Variants in ZNF682 observed in about 807,000 individuals in gnomAD.
ZNF682 encodes the protein zinc finger protein 682.
Under a neutral mutation model 36.5 loss-of-function variants are expected in ZNF682, and 29 were observed. That is an observed-to-expected ratio of 0.80 (90% CI 0.59 to 1.08). ZNF682 has a LOEUF of 1.08. ZNF682 is among the 50% of genes least tolerant of loss of function. The pLI, the probability that ZNF682 is intolerant of heterozygous loss-of-function variation, is 0.00. For missense variants in ZNF682, 561 were observed against 579.7 expected (o/e 0.97, Z 0.33); for synonymous variants, 180 against 197.0 (o/e 0.91, Z 0.72).
chr19:20,039,295 T>C lies in ZNF682; in HGVS notation c.3+48A>G, dbSNP rs775035164. 7 of 1,607,882 alleles carry C rather than the reference T, an allele frequency of 4.4e-6. 1 individual carries two copies. In the South Asian group the frequency reaches 6.6e-5, roughly 15 times the overall value. ...CCGTCACTGCCGGTTCCGGCCGGTT[T>C]CAACCAGCCCTGCCCCCACCTCGGG... On this transcript the variant is annotated intron_variant, in intron 1 of 3. Transcript: ENST00000397165.
chr19:20,021,047 C>T (rs1654526581), intron 3 of ZNF682, among the ~76,000 whole-genome samples: 3 of 83,420 alleles, frequency 3.6e-5, no homozygotes. Context: ...CTTTTGGCTT[C>T]CCTGGGCCAC....
intron 3 of ZNF682, among the ~76,000 whole-genome samples, chr19:19,999,258 A>C (rs2088148042): frequency 6.6e-6 from 1 of 152,230 alleles, no homozygotes; most frequent in African/African-American, 2.4e-5. Context: ...AACTGCGACA[A>C]AAATGATACC....
chr19:20,016,400 T>C (rs530410732), intron 3 of ZNF682, among the ~76,000 whole-genome samples: 1 of 152,268 alleles, frequency 6.6e-6, no homozygotes, highest in South Asian at 2.1e-4. Context: ...AATAATCATT[T>C]TAAACATGTT....
intron 2 of ZNF682, 61 bp from the exon 3 acceptor site, chr19:20,023,160 G>C: frequency 7.0e-7 from 1 of 1,422,676 alleles, no homozygotes. Context: ...CCAACCTAGT[G>C]TTGTGCTCTG....
intron 3 of ZNF682, chr19:20,007,588 T>C (rs2088239841): frequency 1.1e-5 from 3 of 267,846 alleles, no homozygotes; most frequent in Non-Finnish European, 2.1e-5. Flanking sequence ...AAGGGATATG[T>C]GAAGAAACCC....
At chr19:20,002,637 C>G (rs2088176025), downstream of ZNF682, among the ~76,000 whole-genome samples, 1 of 152,122 alleles carries the variant, frequency 6.6e-6, no homozygotes, top group Non-Finnish European at 1.5e-5. Flanking sequence ...TGGTGATGTC[C>G]TCACGGCAAT....
At chr19:20,033,102 C>T (rs1180235057) in intron 1 of ZNF682, among the ~76,000 whole-genome samples, 1 of 152,054 alleles carries the variant, frequency 6.6e-6, no homozygotes, top group Non-Finnish European at 1.5e-5. Context: ...CCCGCCTTTA[C>T]TAAAAATACA....
At chr19:19,996,839 C>A (rs2088131198), downstream of ZNF682, among the ~76,000 whole-genome samples, 1 of 152,032 alleles carries the variant, frequency 6.6e-6, no homozygotes, top group Admixed American at 6.6e-5. Context: ...AAAAGAAAAA[C>A]CATCCCAATT....
chr19:20,019,512 G>T (rs1016713142), intron 3 of ZNF682, among the ~76,000 whole-genome samples: 1 of 151,902 alleles, frequency 6.6e-6, no homozygotes, highest in Non-Finnish European at 1.5e-5. Flanking sequence ...GCACAGCAAA[G>T]AAAATAATAG....
downstream of ZNF682, among the ~76,000 whole-genome samples, chr19:19,995,959 G>T (rs778106004): frequency 6.6e-6 from 1 of 152,158 alleles, no homozygotes; most frequent in Non-Finnish European, 1.5e-5. Context: ...CTCCCTCATT[G>T]TCATGGGGTT....
intron 3 of ZNF682, among the ~76,000 whole-genome samples, chr19:20,019,655 T>C (rs2088366984): frequency 6.6e-6 from 1 of 151,910 alleles, no homozygotes; most frequent in African/African-American, 2.4e-5. Context: ...AGAACAAAAC[T>C]GAAAAACAGA....
chr19:20,014,750 A>G (rs904792795), intron 3 of ZNF682, among the ~76,000 whole-genome samples: 6 of 151,118 alleles, frequency 4.0e-5, no homozygotes, highest in Non-Finnish European at 5.9e-5. Flanking sequence ...ACTGCATTCC[A>G]GCCTGGCAAC....
intron 3 of ZNF682, among the ~76,000 whole-genome samples, chr19:20,009,752 G>A (rs546075369): frequency 6.6e-6 from 1 of 152,308 alleles, no homozygotes; most frequent in South Asian, 2.1e-4. Context: ...CAGGTGCAGT[G>A]GCTCACGTCT....
At chr19:20,036,606 CAAAAAAAAAA>C (rs71172557) in intron 1 of ZNF682, among the ~76,000 whole-genome samples, 1 of 71,460 alleles carries the variant, frequency 1.4e-5, no homozygotes, top group South Asian at 5.4e-4. Flanking sequence ...AACTCCATCT[CAAAAAAAAAA>C]AAAAAAAAAA....
In ZNF682 at chr19:20,039,434, G is replaced by A. The variant is rs761934023; in HGVS notation, c.-89C>T. On this transcript the variant is annotated 5_prime_UTR_variant, in exon 1 of 4. Coordinates refer to ENST00000397165, the MANE Select transcript of ZNF682 (RefSeq NM_033196.3). ...GGCAACAGAGGCTGCGACAGTCACC[G>A]GGAACTACTAGAGCAGAGGATACTA... 4.5e-6 allele frequency: 7 copies of A among 1,570,664 alleles called. No homozygotes were observed. The East Asian group carries it at 6.7e-5, about 15-fold the overall frequency.
intron 3 of ZNF682, among the ~76,000 whole-genome samples, chr19:20,010,048 A>AAAAAAGAAATTCC (rs1364588690): frequency 6.6e-6 from 1 of 152,144 alleles, no homozygotes; most frequent in African/African-American, 2.4e-5. Flanking sequence ...GATTAAAAAA[A>AAAAAAGAAATTCC]AAAAAGAAAT....
Position 20,007,130 on chromosome 19 carries a change from C to T in ZNF682, c.372G>A (p.Lys124=). 6.2e-7 allele frequency: 1 copy of T among 1,613,414 alleles called. No individual in the cohort carries two copies. The highest frequency in any genetic ancestry group is 8.5e-7 in the Non-Finnish European group (1 of 1,179,986). Residue 124 remains lysine (K), a synonymous_variant, in exon 4 of 4, where the codon AAG becomes AAA. Transcript: ENST00000397165. The stretch of plus-strand genomic sequence containing the variant: ...GTCCATTATAAATTTCTTTTTGATC[C>T]TTACACTCACCCACATTTTCCCCAT... The part of the protein sequence containing the change: ...RKDGENVGEC[K]DQKEIYNGLN...
downstream of ZNF682, among the ~76,000 whole-genome samples, chr19:19,999,625 C>T (rs1453295328): frequency 6.6e-6 from 1 of 152,042 alleles, no homozygotes; most frequent in Non-Finnish European, 1.5e-5. Flanking sequence ...ACCTCTGTCT[C>T]CTGGGCTCCA....
chr19:20,010,645 A>G (rs980404287), intron 3 of ZNF682, among the ~76,000 whole-genome samples: 2 of 151,918 alleles, frequency 1.3e-5, no homozygotes, highest in African/African-American at 4.8e-5. Flanking sequence ...TGACAGATCG[A>G]GACTCTGTCT....
Sources: gnomAD v4.1 joint callset for allele counts (sites outside exome capture counted in the v4.1 genomes callset) on GRCh38, gnomAD v4.1.1 for gene constraint, MANE v1.5 for transcripts, NCBI Gene and HGNC (gene_info 2026-07-23, HGNC 2026-07-21) for gene names.